Variants in INPP4B observed in about 807,000 individuals in gnomAD.
INPP4B encodes inositol polyphosphate 4-phosphatase type II.
A neutral mutation model predicts 122.5 loss-of-function variants in INPP4B; 55 were observed. That is an observed-to-expected ratio of 0.45 (90% confidence interval 0.36 to 0.56). The LOEUF (loss-of-function observed/expected upper bound fraction) is 0.56. INPP4B is among the 20% of genes least tolerant of loss of function. The pLI, the probability that INPP4B is intolerant of heterozygous loss-of-function variation, is 0.00. For missense variants in INPP4B, 1,000 were observed against 1,097.7 expected, an observed-to-expected ratio of 0.91 and a Z score of 1.26; for synonymous variants, 403 against 388.7, an observed-to-expected ratio of 1.04 and a Z score of -0.43.
intron 3 of INPP4B, among the ~76,000 whole-genome samples, chr4:142,438,507 A>G (rs140634174): frequency 0.017 from 2,550 of 152,266 alleles, 37 homozygotes; most frequent in Non-Finnish European, 0.026. Context: ...ATATGCAGAA[A>G]ACTGAAACTG....
chr4:142,059,515 A>C (rs1759493900), intron 25 of INPP4B, among the ~76,000 whole-genome samples: 1 of 152,168 alleles, frequency 6.6e-6, no homozygotes, highest in Non-Finnish European at 1.5e-5. Flanking sequence ...CAACATATTC[A>C]TATATGCATC....
intron 2 of INPP4B, among the ~76,000 whole-genome samples, chr4:142,608,906 C>T (rs922107050): frequency 2.0e-4 from 30 of 152,124 alleles, no homozygotes; most frequent in African/African-American, 7.2e-4. Flanking sequence ...CCCCAATCTC[C>T]ACTCTTGTCA....
intron 1 of INPP4B, among the ~76,000 whole-genome samples, chr4:142,731,767 T>G (rs1766118267): frequency 7.5e-6 from 1 of 132,602 alleles, no homozygotes; most frequent in Non-Finnish European, 1.7e-5. Context: ...AACTTGAGAT[T>G]TTCAGGGGAA....
intron 2 of INPP4B, among the ~76,000 whole-genome samples, chr4:142,550,995 A>G (rs1232290715): frequency 6.6e-6 from 1 of 152,192 alleles, no homozygotes; most frequent in African/African-American, 2.4e-5. Context: ...AAATAACTTG[A>G]TACAAAATAG....
intron 25 of INPP4B, among the ~76,000 whole-genome samples, chr4:142,059,778 C>T (rs973128212): frequency 2.0e-5 from 3 of 152,134 alleles, no homozygotes; most frequent in African/African-American, 7.2e-5. Flanking sequence ...TGGCTCCATT[C>T]TACCGATGGC....
At chr4:142,189,922 G>A (rs1021153210) in intron 15 of INPP4B, among the ~76,000 whole-genome samples, 1 of 152,072 alleles carries the variant, frequency 6.6e-6, no homozygotes, top group African/African-American at 2.4e-5. Flanking sequence ...TAATTATCTT[G>A]TAATTTTAAT....
chr4:142,108,793 C>T (rs1788520361), intron 22 of INPP4B, among the ~76,000 whole-genome samples: 1 of 152,052 alleles, frequency 6.6e-6, no homozygotes, highest in South Asian at 2.1e-4. Flanking sequence ...ACCTGTCTAC[C>T]AGTGTGTCAC....
intron 1 of INPP4B, among the ~76,000 whole-genome samples, chr4:142,731,662 CTTCT>C (rs1766101992): frequency 6.6e-6 from 1 of 152,142 alleles, no homozygotes; most frequent in South Asian, 2.1e-4. Context: ...CTTCATTTCC[CTTCT>C]TTCTAAGTGA....
chr4:142,194,951 A>G (rs1397292332), intron 14 of INPP4B, among the ~76,000 whole-genome samples: 3 of 152,240 alleles, frequency 2.0e-5, no homozygotes, highest in Non-Finnish European at 4.4e-5. Flanking sequence ...AAGAAAAATG[A>G]TGCTGGGGCT....
intron 7 of INPP4B, among the ~76,000 whole-genome samples, chr4:142,337,570 G>T (rs890649976): frequency 6.7e-6 from 1 of 149,024 alleles, no homozygotes; most frequent in Admixed American, 6.7e-5. Context: ...ATGTTTACTG[G>T]CCATTTGATT....
At chr4:142,295,593 T>C (rs1758339908) in intron 9 of INPP4B, among the ~76,000 whole-genome samples, 3 of 152,198 alleles carry the variant, frequency 2.0e-5, no homozygotes, top group African/African-American at 7.2e-5. Flanking sequence ...AAGCTGTTGA[T>C]AAGTATTCCA....
rs942703525 is a variant in INPP4B, at chr4:142,060,744, C to A, written c.2642+21287G>T. On this transcript the variant is annotated intron_variant, in intron 25 of 25. Coordinates refer to ENST00000262992, the MANE Select transcript of INPP4B (RefSeq NM_001101669.3). ...CCTGTCTGGAGTCCATACCACCTAC[C>A]CTGGCCAAGGGGTCTCAGGCATTAG... 7.2e-5 allele frequency among the ~76,000 whole-genome samples: 11 copies of A among 152,218 alleles called. No individual in the cohort carries two copies. In the East Asian group the frequency reaches 1.2e-3, roughly 16 times the overall value.
intron 12 of INPP4B, among the ~76,000 whole-genome samples, chr4:142,212,560 T>C (rs1186791090): frequency 6.6e-6 from 1 of 152,188 alleles, no homozygotes; most frequent in African/African-American, 2.4e-5. Flanking sequence ...AGTAGCCCTA[T>C]CTCCTCATGG....
chr4:142,424,120 T>C (rs552141147), intron 5 of INPP4B, among the ~76,000 whole-genome samples: 2 of 152,156 alleles, frequency 1.3e-5, no homozygotes, highest in Admixed American at 1.3e-4. Context: ...TAATCCTGTT[T>C]CCTTTCTTCA....
intron 2 of INPP4B, among the ~76,000 whole-genome samples, chr4:142,619,600 G>A (rs1215085565): frequency 6.6e-6 from 1 of 151,944 alleles, no homozygotes; most frequent in South Asian, 2.1e-4. Flanking sequence ...TGTTGCCAGG[G>A]GATAAGAGGG....
chr4:142,154,727 G>A (rs1201831871), intron 17 of INPP4B, among the ~76,000 whole-genome samples: 1 of 152,052 alleles, frequency 6.6e-6, no homozygotes, highest in African/African-American at 2.4e-5. Context: ...AATATTCTCT[G>A]TTTCAAAATA....
intron 2 of INPP4B, among the ~76,000 whole-genome samples, chr4:142,532,805 AT>A (rs1827775620): frequency 1.3e-5 from 2 of 152,224 alleles, no homozygotes; most frequent in African/African-American, 4.8e-5. Flanking sequence ...TAATTATGAA[AT>A]GGATACTTGT....
chr4:142,267,614 G>C (rs1038982016), intron 10 of INPP4B, among the ~76,000 whole-genome samples: 2 of 152,036 alleles, frequency 1.3e-5, no homozygotes, highest in African/African-American at 4.8e-5. Context: ...AACTATAAAA[G>C]TACTAGGAAG....
At chr4:142,534,177 C>A (rs1303466847) in intron 2 of INPP4B, among the ~76,000 whole-genome samples, 3 of 152,130 alleles carry the variant, frequency 2.0e-5, no homozygotes, top group Non-Finnish European at 4.4e-5. Flanking sequence ...ATTTCTCTAG[C>A]ATAACCTAGC....
Sources: allele counts gnomAD v4.1 joint callset (sites outside exome capture counted in the v4.1 genomes callset), GRCh38; gene constraint gnomAD v4.1.1; transcripts MANE v1.5; gene names NCBI Gene and HGNC (gene_info 2026-07-23, HGNC 2026-07-21).